Variants in CADM1 observed in about 807,000 individuals in gnomAD.
CADM1 encodes the protein cell adhesion molecule 1.
CADM1 carries 15 observed loss-of-function variants against 53.1 expected under a neutral mutation model. The observed-to-expected ratio is 0.28, with a 90% CI of 0.19 to 0.44. The LOEUF is 0.44. CADM1 is among the 20% of genes least tolerant of loss of function. The pLI is 1.00. For synonymous variants in CADM1, 281 were observed against 243.0 expected (o/e 1.16, Z -1.45); for missense variants, 434 against 611.3 (o/e 0.71, Z 3.06).
chr11:115,291,981 G>A (rs1943917207), intron 1 of CADM1, among the ~76,000 whole-genome samples: 1 of 152,150 alleles, frequency 6.6e-6, no homozygotes, highest in Non-Finnish European at 1.5e-5. Flanking sequence ...CATGACATTA[G>A]GAAGTAATTG....
At chr11:115,402,513 ACT>A (rs1388577578) in intron 1 of CADM1, among the ~76,000 whole-genome samples, 4 of 152,104 alleles carry the variant, frequency 2.6e-5, no homozygotes, top group African/African-American at 9.7e-5. Flanking sequence ...ATAGAGTGAG[ACT>A]CTGTCTCAAA....
In CADM1 at chr11:115,405,817, T is replaced by C. The variant is rs186005433; in HGVS notation, c.124+98454A>G. 7.0e-4 allele frequency among the ~76,000 whole-genome samples: 107 copies of C among 152,240 alleles called. 1 individual carries two copies. Among genetic ancestry groups the C allele is most frequent in the Middle Eastern group, 3.4e-3 (1 of 294 alleles). On this transcript the variant is annotated intron_variant, in intron 1 of 11. Coordinates refer to ENST00000331581, the MANE Select transcript of CADM1 (RefSeq NM_001301043.2). ...ACAGACAAACATGTTCGTAGGAAGA[T>C]GACTGAAATGGACATGGGATTGATA...
At chr11:115,315,217 A>G (rs968939153) in intron 1 of CADM1, among the ~76,000 whole-genome samples, 19 of 152,190 alleles carry the variant, frequency 1.2e-4, no homozygotes, top group African/African-American at 4.3e-4. Context: ...TTTAATGGAA[A>G]CGTCTTCCCA....
In CADM1 at chr11:115,176,279, G is replaced by A; in HGVS notation, c.*195C>T. The stretch of plus-strand genomic sequence containing the variant: ...AACAAACAAACAAACGAAAAAAGAG[G>A]TGTCAAACAGCAGAGTGTACTTTCC... On this transcript the variant is annotated 3_prime_UTR_variant, in exon 12 of 12. Coordinates refer to ENST00000331581, the MANE Select transcript of CADM1 (RefSeq NM_001301043.2). 1 of 1,388,314 alleles carries A rather than the reference G, an allele frequency of 7.2e-7. No individual in the cohort carries two copies. Among genetic ancestry groups the A allele is most frequent in the Non-Finnish European group, 9.4e-7 (1 of 1,066,038 alleles). The allele number at this position is 1,388,314 out of a possible 1,614,324, so 86.0% of individuals were successfully genotyped here. A position where few individuals can be genotyped will look rare whatever the true frequency, so the allele number is the denominator to read the frequency against.
intron 1 of CADM1, among the ~76,000 whole-genome samples, chr11:115,389,916 T>G (rs376522378): frequency 6.6e-6 from 1 of 152,344 alleles, no homozygotes; most frequent in South Asian, 2.1e-4. Context: ...TAAATTATAC[T>G]GTGGATGTGC....
At chr11:115,328,745 T>TATATATGTATATAC (rs1355578857) in intron 1 of CADM1, among the ~76,000 whole-genome samples, 1 of 120,074 alleles carries the variant, frequency 8.3e-6, no homozygotes, top group African/African-American at 3.2e-5. Context: ...TATATATATA[T>TATATATGTATATAC]ATAGAATCCA....
chr11:115,387,592 T>A (rs1279455815), intron 1 of CADM1, among the ~76,000 whole-genome samples: 3 of 152,158 alleles, frequency 2.0e-5, no homozygotes, highest in Non-Finnish European at 4.4e-5. Context: ...ATGGGTGACA[T>A]AATTTGAATC....
chr11:115,302,445 G>A (rs1944252554), intron 1 of CADM1, among the ~76,000 whole-genome samples: 1 of 151,994 alleles, frequency 6.6e-6, no homozygotes, highest in Admixed American at 6.6e-5. Context: ...AACTTGATGG[G>A]AGTTTTCCAG....
At chr11:115,240,731 C>A (rs1942199080) in intron 1 of CADM1, 1 of 362,092 alleles carries the variant, frequency 2.8e-6, no homozygotes, top group Non-Finnish European at 5.2e-6. Flanking sequence ...AGAGTACCAG[C>A]TTTTGTGAAT....
chr11:115,351,244 G>A (rs1028361134), intron 1 of CADM1, among the ~76,000 whole-genome samples: 1 of 152,136 alleles, frequency 6.6e-6, no homozygotes. Flanking sequence ...CTGGTCTCTG[G>A]TATTTGGCTT....
At chr11:115,504,242 G>A in intron 1 of CADM1, 29 bp downstream of exon 1, 1 of 1,565,498 alleles carries the variant, frequency 6.4e-7, no homozygotes, top group Non-Finnish European at 8.7e-7. Flanking sequence ...CGGAGATTTA[G>A]GGGCCAACCG....
chr11:115,460,822 C>T (rs1658966683), intron 1 of CADM1, among the ~76,000 whole-genome samples: 1 of 151,940 alleles, frequency 6.6e-6, no homozygotes, highest in South Asian at 2.1e-4. Context: ...ATCAACTGGA[C>T]ACTGGCTCAA....
At chr11:115,357,766 C>T (rs896467621) in intron 1 of CADM1, among the ~76,000 whole-genome samples, 2 of 152,034 alleles carry the variant, frequency 1.3e-5, no homozygotes, top group Admixed American at 6.6e-5. Flanking sequence ...TATTTACTTA[C>T]TCAAAAGTAT....
intron 10 of CADM1, among the ~76,000 whole-genome samples, chr11:115,187,783 A>G (rs1414369604): frequency 6.6e-6 from 1 of 152,074 alleles, no homozygotes; most frequent in African/African-American, 2.4e-5. Flanking sequence ...TGTATAATCC[A>G]TTTAGGGGAC....
At chr11:115,459,539 A>G (rs748081751) in intron 1 of CADM1, among the ~76,000 whole-genome samples, 1 of 152,184 alleles carries the variant, frequency 6.6e-6, no homozygotes, top group Non-Finnish European at 1.5e-5. Context: ...GAAAAGAAAG[A>G]GAGAAGAAAG....
chr11:115,220,482 T>A (rs1941363683), intron 5 of CADM1, among the ~76,000 whole-genome samples: 1 of 152,212 alleles, frequency 6.6e-6, no homozygotes, highest in Non-Finnish European at 1.5e-5. Context: ...ATTTTCCCAA[T>A]TTACTCTTTA....
At chr11:115,249,404 C>T (rs1942516159) in intron 1 of CADM1, among the ~76,000 whole-genome samples, 1 of 152,228 alleles carries the variant, frequency 6.6e-6, no homozygotes, top group Admixed American at 6.5e-5. Flanking sequence ...CAGCTGATAG[C>T]TGATAAAGCA....
intron 1 of CADM1, among the ~76,000 whole-genome samples, chr11:115,486,952 C>A (rs1949385936): frequency 6.6e-6 from 1 of 152,118 alleles, no homozygotes; most frequent in Admixed American, 6.6e-5. Context: ...GCTCCTGAAC[C>A]AGTTCTCTGC....
At chr11:115,424,070 C>T (rs1289566530) in intron 1 of CADM1, among the ~76,000 whole-genome samples, 2 of 152,186 alleles carry the variant, frequency 1.3e-5, no homozygotes, top group Non-Finnish European at 2.9e-5. Flanking sequence ...TGTCCAGTTG[C>T]AGCAATTAAT....
Sources: gnomAD v4.1 joint callset for allele counts (sites outside exome capture counted in the v4.1 genomes callset) on GRCh38, gnomAD v4.1.1 for gene constraint, MANE v1.5 for transcripts, NCBI Gene and HGNC (gene_info 2026-07-23, HGNC 2026-07-21) for gene names.